NR1H4: variants seen among roughly 807,000 people sequenced by gnomAD.
The protein encoded by NR1H4 is nuclear receptor subfamily 1 group H member 4.
Under a neutral mutation model 58.5 loss-of-function variants are expected in NR1H4, and 23 were observed. That is an observed-to-expected ratio of 0.39 (90% CI 0.28 to 0.56). The LOEUF is 0.56. Among genes scored for constraint, NR1H4 ranks in the 20% least tolerant of loss-of-function variants. The probability of loss-of-function intolerance (pLI) is 0.58; values close to 1 mark genes in which losing one functional copy is unlikely to be tolerated. For missense variants in NR1H4, 487 were observed against 576.9 expected, an observed-to-expected ratio of 0.84 and a Z score of 1.60; for synonymous variants, 214 against 198.0, an observed-to-expected ratio of 1.08 and a Z score of -0.68.
intron 3 of NR1H4, chr12:100,503,274 T>A (rs1953877370): frequency 7.4e-7 from 1 of 1,346,486 alleles, no homozygotes; most frequent in Admixed American, 2.5e-5. Context: ...ACTTTCCTCA[T>A]AAACATTTAC....
At chr12:100,525,446 C>T (rs915220285) in intron 4 of NR1H4, 2 of 152,152 alleles carry the variant, frequency 1.3e-5, no homozygotes, top group African/African-American at 4.8e-5. Flanking sequence ...TGATTAAAAG[C>T]TTGGTCCAAA....
chr12:100,535,967 C>T (rs896955061), intron 6 of NR1H4, among the ~76,000 whole-genome samples: 17 of 152,024 alleles, frequency 1.1e-4, no homozygotes, highest in Non-Finnish European at 2.2e-4. Context: ...CATTTTAGTG[C>T]AAAAGTAGCA....
intron 4 of NR1H4, among the ~76,000 whole-genome samples, chr12:100,515,004 T>A (rs137915491): frequency 5.4e-4 from 82 of 152,160 alleles, no homozygotes; most frequent in African/African-American, 1.9e-3. Context: ...GAGTTTGGTA[T>A]CACTAGACCA....
At chr12:100,540,155 C>T (rs1167569724) in intron 8 of NR1H4, among the ~76,000 whole-genome samples, 1 of 152,154 alleles carries the variant, frequency 6.6e-6, no homozygotes, top group Non-Finnish European at 1.5e-5. Flanking sequence ...TTCTGATTTT[C>T]CCCCACCCTG....
chr12:100,528,278 A>T lies in NR1H4; in HGVS notation c.446-4180A>T, dbSNP rs187990966. Reference sequence around the variant, plus strand: ...TTCTACCAGTATAAAGAAGCATGAGAAGTGCCTGAACTCAGGAAGCAGAGG... The same window carrying T: ...TTCTACCAGTATAAAGAAGCATGAGTAGTGCCTGAACTCAGGAAGCAGAGG... On this transcript the variant is annotated intron_variant, in intron 4 of 10. Coordinates refer to ENST00000392986, the MANE Select transcript of NR1H4 (RefSeq NM_001206979.2). Among the ~76,000 whole-genome samples, 461 of 152,216 alleles carry T rather than the reference A, an allele frequency of 3.0e-3. 4 individuals carry two copies. The highest frequency in any genetic ancestry group is 6.8e-3 in the Middle Eastern group (2 of 294).
intron 4 of NR1H4, among the ~76,000 whole-genome samples, chr12:100,530,380 A>C (rs535015570): frequency 6.6e-6 from 1 of 152,206 alleles, no homozygotes; most frequent in African/African-American, 2.4e-5. Context: ...TAAGAATTAC[A>C]TCAGTAAATG....
chr12:100,499,833 C>T, intron 3 of NR1H4: 1 of 455,970 alleles, frequency 2.2e-6, no homozygotes, highest in South Asian at 1.5e-5. Context: ...AAGCTAAGTA[C>T]ATTTTAGATT....
At chr12:100,505,934 C>A in intron 3 of NR1H4, 1 of 268,390 alleles carries the variant, frequency 3.7e-6, no homozygotes. Flanking sequence ...GCTGGGCCTT[C>A]GTATGTGTCT....
chr12:100,548,020 CTG>C, intron 9 of NR1H4, among the ~76,000 whole-genome samples: 1 of 150,814 alleles, frequency 6.6e-6, no homozygotes, highest in South Asian at 2.1e-4. Flanking sequence ...GCACCCGGCC[CTG>C]TTCCTCTTTT....
chr12:100,507,689 T>C (rs1954001785), intron 3 of NR1H4, among the ~76,000 whole-genome samples: 1 of 152,212 alleles, frequency 6.6e-6, no homozygotes. Context: ...GGTCTCAATC[T>C]TTTGACCTTG....
At chr12:100,515,518 C>T (rs968664797) in intron 4 of NR1H4, among the ~76,000 whole-genome samples, 15 of 151,988 alleles carry the variant, frequency 9.9e-5, no homozygotes, top group Non-Finnish European at 1.5e-5. Context: ...TGCTAATGGG[C>T]ACAAACAAAA....
chr12:100,540,201 A>G (rs569314124), intron 8 of NR1H4, among the ~76,000 whole-genome samples: 2 of 152,332 alleles, frequency 1.3e-5, no homozygotes, highest in African/African-American at 4.8e-5. Context: ...AGATACATCA[A>G]CATGACTTTG....
intron 3 of NR1H4, among the ~76,000 whole-genome samples, chr12:100,507,219 G>T (rs1386956086): frequency 6.6e-6 from 1 of 152,104 alleles, no homozygotes; most frequent in Non-Finnish European, 1.5e-5. Flanking sequence ...AAATCTAAGT[G>T]TACGTGAAAC....
rs566081749 is a variant in NR1H4, at chr12:100,478,101, T to A, written c.-190+4042T>A. Among the ~76,000 whole-genome samples the A allele has an allele frequency of 7.2e-5, 11 of 152,186 alleles. No individual in the cohort carries two copies. The East Asian group carries it at 2.1e-3, about 29-fold the overall frequency. ...AACTATAGTCCTTCGCTGATAAAGA[T>A]GTGTCAGCATAGGTTCATCGATTGT... On this transcript the variant is annotated intron_variant, in intron 1 of 10. Coordinates refer to ENST00000392986, the MANE Select transcript of NR1H4 (RefSeq NM_001206979.2).
chr12:100,498,906 A>G (rs994156548), intron 3 of NR1H4, among the ~76,000 whole-genome samples: 1 of 151,734 alleles, frequency 6.6e-6, no homozygotes, highest in East Asian at 1.9e-4. Context: ...GTGTATGCCC[A>G]TTTTCTTAGG....
At chr12:100,556,466 T>G (rs1172963684) in intron 9 of NR1H4, among the ~76,000 whole-genome samples, 1 of 114,954 alleles carries the variant, frequency 8.7e-6, no homozygotes, top group East Asian at 2.2e-4. Context: ...AAACTCCGTC[T>G]CAAAGAAAAA....
chr12:100,522,224 TGTG>T (rs1954442869), intron 4 of NR1H4, among the ~76,000 whole-genome samples: 1 of 152,034 alleles, frequency 6.6e-6, no homozygotes. Flanking sequence ...ATGTTGGTGA[TGTG>T]ATGATGATGA....
rs77329443 is a variant in NR1H4 at position 100,526,703 on chromosome 12, C to T, written c.446-5755C>T. Among the ~76,000 whole-genome samples the T allele has an allele frequency of 7.0e-4, 107 of 152,272 alleles. No individual in the cohort carries two copies. The East Asian group carries it at 0.019, about 27-fold the overall frequency. Reference sequence around the variant, plus strand: ...CAAGGCCATGGTTCTTAGTATCTTCCTGTCCTTGTCTCAGAGCTACATCAT... The same window carrying T: ...CAAGGCCATGGTTCTTAGTATCTTCTTGTCCTTGTCTCAGAGCTACATCAT... On this transcript the variant is annotated intron_variant, in intron 4 of 10. Transcript: ENST00000392986.
rs1213906374 is a variant in NR1H4 at position 100,509,913 on chromosome 12, G to GCACACA, written c.80-864_80-863insACACAC. On this transcript the variant is annotated intron_variant, in intron 3 of 10. Transcript: ENST00000392986. The stretch of plus-strand genomic sequence containing the variant: ...TTTGTCTTTGCACGTGGGCACGTGC[G>GCACACA]CGCACACACACACACACACACACAC... Among the ~76,000 whole-genome samples the GCACACA allele has an allele frequency of 2.6e-3, 380 of 145,802 alleles. 3 individuals carry two copies. The highest frequency in any genetic ancestry group is 9.6e-3 in the African/African-American group (349 of 36,524).
Sources: gnomAD v4.1 joint callset for allele counts (sites outside exome capture counted in the v4.1 genomes callset) on GRCh38, gnomAD v4.1.1 for gene constraint, MANE v1.5 for transcripts, NCBI Gene and HGNC (gene_info 2026-07-23, HGNC 2026-07-21) for gene names.